TBCD: variants seen among roughly 807,000 people sequenced by gnomAD.
TBCD encodes the protein tubulin-specific chaperone D.
TBCD carries 105 observed loss-of-function variants against 169.3 expected under a neutral mutation model. That is an observed-to-expected ratio of 0.62 (90% CI 0.53 to 0.73). The LOEUF is 0.73. TBCD is among the 30% of genes least tolerant of loss of function. The pLI is 0.00. For synonymous variants in TBCD, 700 were observed against 643.9 expected, an observed-to-expected ratio of 1.09 and a Z score of -1.32; for missense variants, 1,444 against 1,600.1, an observed-to-expected ratio of 0.90 and a Z score of 1.66.
intron 13 of TBCD, among the ~76,000 whole-genome samples, chr17:82,861,542 C>T (rs561717536): frequency 4.6e-5 from 7 of 152,218 alleles, no homozygotes; most frequent in South Asian, 4.2e-4. Flanking sequence ...GACCTGAGCC[C>T]GGCCCCGGTG....
chr17:82,900,455 C>T (rs1339171496), intron 17 of TBCD, 196 bp from the exon 18 acceptor site: 7 of 551,936 alleles, frequency 1.3e-5, no homozygotes, highest in East Asian at 3.0e-5. Flanking sequence ...GCTGTGTGCA[C>T]GTTTGTGTAA....
At chr17:82,857,676 C>G (rs57481885) in intron 13 of TBCD, among the ~76,000 whole-genome samples, 1 of 149,790 alleles carries the variant, frequency 6.7e-6, no homozygotes, top group African/African-American at 2.5e-5. Flanking sequence ...TGAAGCTTGT[C>G]GGAGTGTTAT....
chr17:82,808,063 A>T (rs975643895), intron 11 of TBCD, among the ~76,000 whole-genome samples: 1 of 151,514 alleles, frequency 6.6e-6, no homozygotes. Context: ...TCCCTCATTC[A>T]CCCCTCACTA....
intron 22 of TBCD, among the ~76,000 whole-genome samples, chr17:82,910,324 G>T (rs1372872361): frequency 1.3e-5 from 2 of 152,084 alleles, no homozygotes; most frequent in Non-Finnish European, 2.9e-5. Flanking sequence ...GCTGCTGCTG[G>T]AGTCTGCCTC....
chr17:82,932,604 G>T, intron 33 of TBCD, 54 bp from the exon 34 acceptor site: 1 of 1,487,390 alleles, frequency 6.7e-7, no homozygotes, highest in Non-Finnish European at 9.3e-7. Flanking sequence ...CATTCAGGGA[G>T]TTGGGCGTCC....
intron 17 of TBCD, among the ~76,000 whole-genome samples, chr17:82,897,474 C>T (rs1012436599): frequency 3.4e-5 from 5 of 148,940 alleles, no homozygotes; most frequent in Admixed American, 1.3e-4. Flanking sequence ...GCCGAAATCG[C>T]GCCACTGCAC....
chr17:82,909,211 T>G (rs767860895), intron 21 of TBCD, 74 bp from the exon 22 acceptor site: 25 of 1,223,834 alleles, frequency 2.0e-5, no homozygotes, highest in Non-Finnish European at 2.6e-5. Flanking sequence ...TGTTCTTGTT[T>G]TTGACAGTTG....
intron 36 of TBCD, chr17:82,938,938 CA>C (rs1394298347): frequency 3.7e-5 from 8 of 218,894 alleles, no homozygotes; most frequent in South Asian, 1.8e-4. Context: ...TAATAGAGAG[CA>C]GGTGAGAGTG....
At chr17:82,839,042 T>A in intron 13 of TBCD, 1 of 913,712 alleles carries the variant, frequency 1.1e-6, no homozygotes, top group Non-Finnish European at 1.3e-6. Flanking sequence ...TGTCTATATG[T>A]ACAGAAGACC....
intron 9 of TBCD, among the ~76,000 whole-genome samples, chr17:82,804,459 C>T (rs1276210421): frequency 1.3e-5 from 2 of 152,280 alleles, no homozygotes; most frequent in African/African-American, 4.8e-5. Context: ...TGACGTGGCT[C>T]AGCTGGGTCC....
In TBCD at chr17:82,831,370, G is replaced by A; in HGVS notation, c.1318+16436G>A. The A allele has an allele frequency of 6.2e-7, 1 of 1,614,156 alleles. No individual in the cohort carries two copies. Among genetic ancestry groups the A allele is most frequent in the Non-Finnish European group, 8.5e-7 (1 of 1,180,042 alleles). On this transcript the variant is annotated intron_variant, in intron 13 of 38. Coordinates refer to ENST00000355528, the MANE Select transcript of TBCD (RefSeq NM_005993.5). The surrounding 1 kb of genome is among the most constrained non-coding windows in gnomAD (Gnocchi z 4.6). ...GGGGTCCGAAGGGTTTAACCTGGAA[G>A]GACTCGAGGCTGGATAGACCAGGGT... is the stretch of plus-strand genomic sequence containing the variant.
intron 13 of TBCD, among the ~76,000 whole-genome samples, chr17:82,856,868 G>A (rs1466158400): frequency 6.3e-5 from 9 of 141,942 alleles, no homozygotes; most frequent in Non-Finnish European, 9.1e-5. Flanking sequence ...TCGCTGGACC[G>A]CGTGCGGACC....
At chr17:82,816,837 C>G (rs2051953090) in intron 13 of TBCD, among the ~76,000 whole-genome samples, 1 of 146,860 alleles carries the variant, frequency 6.8e-6, no homozygotes, top group Non-Finnish European at 1.5e-5. Context: ...CACACTTGCC[C>G]CCTGCTTCTT....
At chr17:82,776,215 T>C (rs912816879) in intron 6 of TBCD, among the ~76,000 whole-genome samples, 3 of 151,170 alleles carry the variant, frequency 2.0e-5, no homozygotes, top group Non-Finnish European at 4.4e-5. Context: ...CAAGACTCCA[T>C]CTCAAAAAAA....
rs1189305855 is a variant in TBCD at position 82,921,679 on chromosome 17, T to C, written c.2178+102T>C. 17 of 1,025,696 alleles carry C rather than the reference T, an allele frequency of 1.7e-5. No individual in the cohort carries two copies. The Admixed American group carries it at 2.5e-4, about 15-fold the overall frequency. The allele number at this position is 1,025,696 out of a possible 1,614,324, so 63.5% of individuals were successfully genotyped here. On this transcript the variant is annotated intron_variant, in intron 25 of 38. Coordinates refer to ENST00000355528, the MANE Select transcript of TBCD (RefSeq NM_005993.5). ...CGACTGTGCATCATGAGGCTGTCCCTGCAGTAGCCTGATAACTGACAAATG... is the reference window on the plus strand; with the variant it reads ...CGACTGTGCATCATGAGGCTGTCCCCGCAGTAGCCTGATAACTGACAAATG...
rs977525481 is a variant in TBCD at position 82,864,123 on chromosome 17, G to A, written c.1319-6101G>A. On this transcript the variant is annotated intron_variant, in intron 13 of 38. Transcript: ENST00000355528. This position sits in a 1 kb window ranked among gnomAD's most constrained non-coding sequence, Gnocchi z 6.3. ...TGTTGACGCTCCACAGGAGGTTTGC[G>A]GCATGGCTGCCATCTGTGTTGTGGC... Among the ~76,000 whole-genome samples, 4 of 152,364 alleles carry A rather than the reference G, an allele frequency of 2.6e-5. No homozygotes were observed. Among genetic ancestry groups the A allele is most frequent in the Admixed American group, 2.6e-4 (4 of 15,312 alleles).
intron 1 of TBCD, among the ~76,000 whole-genome samples, chr17:82,752,989 G>A (rs1429300368): frequency 1.3e-5 from 2 of 152,198 alleles, no homozygotes; most frequent in African/African-American, 4.8e-5. Context: ...AGGTACCCCT[G>A]TGGAGGCCAT....
At chr17:82,937,488 C>G (rs928009386) in intron 35 of TBCD, 128 bp downstream of exon 35, 1 of 811,446 alleles carries the variant, frequency 1.2e-6, no homozygotes, top group Non-Finnish European at 2.0e-6. Flanking sequence ...AACCTAAGAT[C>G]GTGCATTCCA....
intron 14 of TBCD, among the ~76,000 whole-genome samples, chr17:82,871,384 C>T (rs540817552): frequency 6.6e-6 from 1 of 152,320 alleles, no homozygotes; most frequent in South Asian, 2.1e-4. Context: ...AGGCGGGACA[C>T]CGAGGAAGGC....
Sources: allele counts gnomAD v4.1 joint callset (sites outside exome capture counted in the v4.1 genomes callset), GRCh38; gene constraint gnomAD v4.1.1; non-coding constraint Gnocchi (gnomAD v3.1); transcripts MANE v1.5; gene names NCBI Gene and HGNC (gene_info 2026-07-23, HGNC 2026-07-21).